The following PRKG1 variants were observed in gnomAD, a reference collection of about 807,000 sequenced individuals.
PRKG1 encodes the protein cGMP-dependent protein kinase 1.
PRKG1 carries 35 observed loss-of-function variants against 88.1 expected under a neutral mutation model. The ratio of observed to expected loss-of-function variants is 0.40; its 90% CI spans 0.30 to 0.53. The LOEUF is 0.53. Ranked by LOEUF, PRKG1 falls within the 20% of genes least tolerant of loss-of-function variation. PRKG1 has a pLI of 0.59. For synonymous variants in PRKG1, 303 were observed against 292.5 expected, an observed-to-expected ratio of 1.04 and a Z score of -0.37; for missense variants, 540 against 839.8, an observed-to-expected ratio of 0.64 and a Z score of 4.41.
chr10:51,916,629 C>T (rs1485430600), intron 5 of PRKG1, among the ~76,000 whole-genome samples: 1 of 152,124 alleles, frequency 6.6e-6, no homozygotes, highest in African/African-American at 2.4e-5. Flanking sequence ...GATCAGGACC[C>T]CTTTCTTGTA....
At chr10:52,286,287 A>G (rs1309372782) in intron 14 of PRKG1, among the ~76,000 whole-genome samples, 1 of 152,076 alleles carries the variant, frequency 6.6e-6, no homozygotes, top group Non-Finnish European at 1.5e-5. Context: ...TAGTATATCA[A>G]GAACTACGTA....
intron 3 of PRKG1, chr10:51,699,212 G>GA: frequency 6.2e-7 from 1 of 1,614,124 alleles, no homozygotes; most frequent in Non-Finnish European, 8.5e-7. Context: ...CCCATAGGGT[G>GA]AGTCAATAAT....
At chr10:52,069,481 G>A (rs1846439479) in intron 7 of PRKG1, among the ~76,000 whole-genome samples, 1 of 152,020 alleles carries the variant, frequency 6.6e-6, no homozygotes, top group Non-Finnish European at 1.5e-5. Flanking sequence ...CAGTGAATGA[G>A]ATCACACCAC....
chr10:52,251,916 G>A, intron 10 of PRKG1: 3 of 332,310 alleles, frequency 9.0e-6, no homozygotes, highest in East Asian at 5.4e-5. Context: ...TTAAGTGTAA[G>A]GTAAACACAT....
At chr10:52,173,448 A>G (rs1231558335) in intron 9 of PRKG1, among the ~76,000 whole-genome samples, 4 of 152,320 alleles carry the variant, frequency 2.6e-5, no homozygotes, top group Non-Finnish European at 5.9e-5. Flanking sequence ...TATTTCCCCC[A>G]TGAATCCTTT....
intron 2 of PRKG1, among the ~76,000 whole-genome samples, chr10:51,229,390 G>C (rs558724280): frequency 3.3e-5 from 5 of 152,184 alleles, no homozygotes; most frequent in African/African-American, 1.2e-4. Flanking sequence ...GTCCATGCCA[G>C]TACCAAACTG....
chr10:52,081,589 C>T (rs771455218), intron 7 of PRKG1: 37 of 456,378 alleles, frequency 8.1e-5, no homozygotes, highest in Middle Eastern at 3.2e-4. Context: ...ATGCCATGTA[C>T]GATGTAGGCA....
intron 2 of PRKG1, among the ~76,000 whole-genome samples, chr10:51,398,639 A>G (rs1282582743): frequency 1.3e-5 from 2 of 152,236 alleles, no homozygotes; most frequent in East Asian, 1.9e-4. Flanking sequence ...CAACTTGACT[A>G]GGTCACAGTG....
At chr10:51,638,589 A>G (rs908641194) in intron 3 of PRKG1, among the ~76,000 whole-genome samples, 7 of 152,200 alleles carry the variant, frequency 4.6e-5, no homozygotes, top group Admixed American at 3.9e-4. Flanking sequence ...ATGTTCATGT[A>G]CTTTGACTGC....
chr10:51,237,675 A>T (rs926810488), intron 2 of PRKG1, among the ~76,000 whole-genome samples: 1 of 152,184 alleles, frequency 6.6e-6, no homozygotes, highest in Non-Finnish European at 1.5e-5. Flanking sequence ...ACTAAAGGAA[A>T]ATGTTTTGAT....
intron 5 of PRKG1, among the ~76,000 whole-genome samples, chr10:51,929,179 CA>C (rs1303526205): frequency 6.6e-6 from 1 of 152,034 alleles, no homozygotes; most frequent in East Asian, 1.9e-4. Flanking sequence ...GAGGAGTTAT[CA>C]ATGGATCAAG....
At chr10:51,930,569 C>A (rs1171214011) in intron 5 of PRKG1, among the ~76,000 whole-genome samples, 1 of 142,050 alleles carries the variant, frequency 7.0e-6, no homozygotes, top group African/African-American at 2.7e-5. Flanking sequence ...CGGCTCACTG[C>A]AGCTTCTGCC....
At chr10:51,326,893 A>G (rs1841606546) in intron 2 of PRKG1, among the ~76,000 whole-genome samples, 1 of 152,226 alleles carries the variant, frequency 6.6e-6, no homozygotes. Flanking sequence ...ATGTAATCAC[A>G]TTATGCTTGG....
Position 51,539,721 on chromosome 10 carries a change from G to A in PRKG1, c.592+71885G>A, listed in dbSNP as rs147459041. On this transcript the variant is annotated intron_variant, in intron 3 of 17. Transcript: ENST00000373980. ...GCAGAAGGAAAAATCTTCCACCAGA[G>A]GAGATAGGGTCAAAATGTCACAGTT... Among the ~76,000 whole-genome samples the A allele has an allele frequency of 2.1e-3, 317 of 152,192 alleles. 2 individuals carry two copies. The highest frequency in any genetic ancestry group is 7.3e-3 in the African/African-American group (303 of 41,550).
chr10:51,818,868 G>A lies in PRKG1; in HGVS notation c.698+14178G>A, dbSNP rs1314102511. Among the ~76,000 whole-genome samples the A allele has an allele frequency of 3.8e-5, 5 of 130,534 alleles. 1 individual carries two copies. Among genetic ancestry groups the A allele is most frequent in the Non-Finnish European group, 7.7e-5 (5 of 65,182 alleles). 85.6% of individuals were successfully genotyped at this position (130,534 alleles called of 152,430 possible). A position where few individuals can be genotyped will look rare whatever the true frequency, so the allele number is the denominator to read the frequency against. On this transcript the variant is annotated intron_variant, in intron 4 of 17. Transcript: ENST00000373980. ...TAAAAATACAAAAAATTAGCCGGGCGTAGTGGTGGGCGCCTGTAGTCCCAG... is the reference window on the plus strand; with the variant it reads ...TAAAAATACAAAAAATTAGCCGGGCATAGTGGTGGGCGCCTGTAGTCCCAG...
At chr10:51,027,047 G>C (rs1843216180) in intron 1 of PRKG1, among the ~76,000 whole-genome samples, 1 of 152,074 alleles carries the variant, frequency 6.6e-6, no homozygotes, top group African/African-American at 2.4e-5. Flanking sequence ...CATAAGTTTT[G>C]GATCCCAGTG....
At chr10:51,535,213 G>A (rs2132101519) in intron 3 of PRKG1, among the ~76,000 whole-genome samples, 1 of 152,210 alleles carries the variant, frequency 6.6e-6, no homozygotes, top group East Asian at 1.9e-4. Context: ...TATGTGGTGT[G>A]TTCTCAAAAT....
intron 2 of PRKG1, among the ~76,000 whole-genome samples, chr10:51,445,916 C>A (rs1043757403): frequency 6.6e-6 from 1 of 151,794 alleles, no homozygotes; most frequent in African/African-American, 2.4e-5. Context: ...AACCTCTAAA[C>A]CCTGCTCAAA....
chr10:51,463,683 A>G (rs1839804260), intron 2 of PRKG1, among the ~76,000 whole-genome samples: 1 of 152,200 alleles, frequency 6.6e-6, no homozygotes, highest in Non-Finnish European at 1.5e-5. Flanking sequence ...ATCATTTGTA[A>G]ATGTGTAATC....
Sources: gnomAD v4.1 joint callset for allele counts (sites outside exome capture counted in the v4.1 genomes callset) on GRCh38, gnomAD v4.1.1 for gene constraint, MANE v1.5 for transcripts, NCBI Gene and HGNC (gene_info 2026-07-23, HGNC 2026-07-21) for gene names.